CDH10: variants seen among roughly 807,000 people sequenced by gnomAD.
CDH10 encodes cadherin 10, also known as cadherin-10.
A neutral mutation model predicts 73.1 loss-of-function variants in CDH10; 30 were observed. The ratio of observed to expected loss-of-function variants is 0.41; its 90% CI spans 0.31 to 0.56. The LOEUF is 0.56. CDH10 is among the 20% of genes least tolerant of loss of function. The pLI is 0.27. For missense variants in CDH10, 815 were observed against 973.7 expected, an observed-to-expected ratio of 0.84 and a Z score of 2.17; for synonymous variants, 345 against 348.2, an observed-to-expected ratio of 0.99 and a Z score of 0.10.
At chr5:24,585,891 G>A (rs1345808384) in intron 2 of CDH10, among the ~76,000 whole-genome samples, 2 of 152,292 alleles carry the variant, frequency 1.3e-5, no homozygotes, top group Middle Eastern at 3.4e-3. Flanking sequence ...CCTCCGCTCT[G>A]CTAGACTCAG....
intron 7 of CDH10, among the ~76,000 whole-genome samples, chr5:24,507,104 T>G (rs200491308): frequency 1.3e-5 from 2 of 152,184 alleles, no homozygotes; most frequent in Non-Finnish European, 2.9e-5. Flanking sequence ...CTTTGATTAC[T>G]GTATTAACAT....
chr5:24,490,859 C>A (rs757322562), intron 11 of CDH10, among the ~76,000 whole-genome samples: 1 of 152,112 alleles, frequency 6.6e-6, no homozygotes, highest in South Asian at 2.1e-4. Context: ...GGGAAGTGCT[C>A]ATATGTCAAG....
chr5:24,590,276 C>T (rs1746154921), intron 2 of CDH10, among the ~76,000 whole-genome samples: 1 of 151,418 alleles, frequency 6.6e-6, no homozygotes, highest in Admixed American at 6.6e-5. Context: ...TTTCTCTCTC[C>T]TCCTCTTAAT....
chr5:24,531,004 C>T (rs1743721748), intron 5 of CDH10, among the ~76,000 whole-genome samples: 1 of 152,066 alleles, frequency 6.6e-6, no homozygotes, highest in South Asian at 2.1e-4. Flanking sequence ...CTCCCATCAA[C>T]CTCCTCATTC....
In CDH10 at chr5:24,600,767, G is replaced by A. The variant is rs142251962; in HGVS notation, c.-123-7154C>T. Among the ~76,000 whole-genome samples the A allele has an allele frequency of 4.6e-3, 700 of 152,276 alleles. 3 individuals carry two copies. Among genetic ancestry groups the A allele is most frequent in the South Asian group, 9.3e-3 (45 of 4,832 alleles). ...ATGGGTTATAAGAAAAGGAAAGAAT[G>A]TGCAAAGCTCAGGGGGGAAAAGAAA... On this transcript the variant is annotated intron_variant, in intron 1 of 11. Coordinates refer to ENST00000264463, the MANE Select transcript of CDH10 (RefSeq NM_006727.5).
chr5:24,628,002 T>C (rs1747568948), intron 1 of CDH10, among the ~76,000 whole-genome samples: 1 of 152,134 alleles, frequency 6.6e-6, no homozygotes, highest in African/African-American at 2.4e-5. Context: ...ATCGTGGTAA[T>C]AACACAGGAA....
At chr5:24,584,039 A>G (rs1745893266) in intron 2 of CDH10, among the ~76,000 whole-genome samples, 1 of 152,172 alleles carries the variant, frequency 6.6e-6, no homozygotes, top group Non-Finnish European at 1.5e-5. Context: ...AACTTTCTTG[A>G]TTCTTACCAC....
chr5:24,607,401 G>T (rs536872170), intron 1 of CDH10, among the ~76,000 whole-genome samples: 1 of 152,130 alleles, frequency 6.6e-6, no homozygotes, highest in African/African-American at 2.4e-5. Context: ...AACCAACGAG[G>T]GAAATGAACT....
intron 9 of CDH10, 140 bp downstream of exon 9, chr5:24,498,258 G>C (rs937254910): frequency 1.5e-5 from 7 of 479,448 alleles, no homozygotes; most frequent in Non-Finnish European, 2.6e-5. Flanking sequence ...AAAAACATCA[G>C]TTATGGTTTT....
intron 2 of CDH10, among the ~76,000 whole-genome samples, chr5:24,564,943 G>A (rs1387104401): frequency 6.6e-6 from 1 of 152,088 alleles, no homozygotes; most frequent in East Asian, 1.9e-4. Context: ...AGTCCATTGA[G>A]TATATGCCCA....
At chr5:24,636,211 G>T (rs1421533330) in intron 1 of CDH10, among the ~76,000 whole-genome samples, 1 of 151,880 alleles carries the variant, frequency 6.6e-6, no homozygotes, top group Admixed American at 6.6e-5. Flanking sequence ...TATGATGTAA[G>T]TATAATTATT....
At chr5:24,576,088 T>C (rs1745589938) in intron 2 of CDH10, among the ~76,000 whole-genome samples, 2 of 152,178 alleles carry the variant, frequency 1.3e-5, no homozygotes, top group South Asian at 4.1e-4. Context: ...TGTATTTTTA[T>C]AACTTTAATT....
chr5:24,535,641 T>C, intron 4 of CDH10, 62 bp downstream of exon 4: 3 of 1,479,484 alleles, frequency 2.0e-6, no homozygotes, highest in Non-Finnish European at 9.3e-7. Flanking sequence ...TCCCATGGTC[T>C]TTCTACTGAT....
chr5:24,564,068 A>G (rs1462382615), intron 2 of CDH10, among the ~76,000 whole-genome samples: 2 of 152,200 alleles, frequency 1.3e-5, no homozygotes, highest in African/African-American at 4.8e-5. Context: ...GAAATCATCT[A>G]TATCTCAAAA....
chr5:24,491,033 G>A (rs1210400114), intron 11 of CDH10, among the ~76,000 whole-genome samples: 4 of 152,108 alleles, frequency 2.6e-5, no homozygotes, highest in Admixed American at 2.6e-4. Flanking sequence ...TATGGAGGAT[G>A]TTTCAGAAGA....
intron 5 of CDH10, among the ~76,000 whole-genome samples, chr5:24,524,520 C>T (rs1020781548): frequency 6.6e-6 from 1 of 152,018 alleles, no homozygotes; most frequent in Non-Finnish European, 1.5e-5. Flanking sequence ...AGTGATGAAG[C>T]TTTAATTATG....
chr5:24,532,179 T>C (rs372284172), intron 5 of CDH10, among the ~76,000 whole-genome samples: 2 of 152,066 alleles, frequency 1.3e-5, no homozygotes, highest in African/African-American at 4.8e-5. Context: ...TGATACAGCA[T>C]ACAGGGAAAT....
In CDH10 at chr5:24,537,430, G is replaced by A. The variant is rs139913021; in HGVS notation, c.476C>T (p.Thr159Met). The stretch of plus-strand genomic sequence containing the variant: ...AGCTGTATAGATTTCTTCTGGGAAC[G>A]TTGGCTCATTGTCATTGATATCATG... Reference protein sequence around the residue: ...KIHDINDNEPTFPEEIYTASV... With the variant: ...KIHDINDNEPMFPEEIYTASV... Residue 159 changes from threonine (T) to methionine (M), a missense_variant, in exon 3 of 12, where the codon ACG (threonine) becomes ATG (methionine). Transcript: ENST00000264463. The A allele has an allele frequency of 7.6e-4, 1,233 of 1,612,370 alleles. No individual in the cohort carries two copies. Among genetic ancestry groups the A allele is most frequent in the Non-Finnish European group, 9.5e-4 (1,122 of 1,178,764 alleles).
intron 2 of CDH10, among the ~76,000 whole-genome samples, chr5:24,584,412 C>T (rs1285964824): frequency 5.4e-5 from 8 of 147,010 alleles, no homozygotes; most frequent in African/African-American, 2.0e-4. Context: ...AGAGTGAGCT[C>T]ACCTGATGTT....
Sources: allele counts gnomAD v4.1 joint callset (sites outside exome capture counted in the v4.1 genomes callset), GRCh38; gene constraint gnomAD v4.1.1; transcripts MANE v1.5; gene names NCBI Gene and HGNC (gene_info 2026-07-23, HGNC 2026-07-21).